RAN: variants seen among roughly 807,000 people sequenced by gnomAD.
The protein encoded by RAN is GTP-binding nuclear protein Ran.
RAN carries 2 observed loss-of-function variants against 26.8 expected under a neutral mutation model. The ratio of observed to expected loss-of-function variants is 0.07; its 90% CI spans 0.03 to 0.23. The LOEUF is 0.23. RAN is among the 10% of genes least tolerant of loss of function. The pLI is 1.00. For missense variants in RAN, 56 were observed against 264.8 expected (o/e 0.21, Z 5.47); for synonymous variants, 132 against 95.9 (o/e 1.38, Z -2.20).
chr12:130,875,563 C>G (rs773020734), intron 5 of RAN, 49 bp from the exon 6 acceptor site: 15 of 1,455,802 alleles, frequency 1.0e-5, no homozygotes, highest in Non-Finnish European at 1.2e-5. Context: ...GAAAAATCGT[C>G]ATCTTAATAA....
At chr12:130,875,590 A>G (rs765410320) in intron 5 of RAN, 22 bp from the exon 6 acceptor site, 1 of 1,532,730 alleles carries the variant, frequency 6.5e-7, no homozygotes, top group African/African-American at 1.4e-5. Flanking sequence ...TTAAAAAGTA[A>G]TTTTACCTTT....
At chr12:130,873,557 T>C (rs1953181302) in intron 4 of RAN, 1 of 171,946 alleles carries the variant, frequency 5.8e-6, no homozygotes, top group Non-Finnish European at 1.3e-5. Flanking sequence ...ACTAGCTGAT[T>C]TCTTGTTAAA....
Position 130,876,292 on chromosome 12 carries a change from T to C in RAN, c.*366T>C. 5.0e-6 allele frequency: 1 copy of C among 199,922 alleles called. No homozygotes were observed. The highest frequency in any genetic ancestry group is 1.0e-5 in the Non-Finnish European group (1 of 98,734). The allele number at this position is 199,922 out of a possible 1,614,324, so 12.4% of individuals were successfully genotyped here. A position where few individuals can be genotyped will look rare whatever the true frequency, so the allele number is the denominator to read the frequency against. On this transcript the variant is annotated 3_prime_UTR_variant, in exon 7 of 7. Coordinates refer to ENST00000543796, the MANE Select transcript of RAN (RefSeq NM_006325.5). ...ATTTCAAATATCTAAGCAAGTGAAC[T>C]CATCCCTTGTTTATAAATAGCATTT... is the stretch of plus-strand genomic sequence containing the variant.
At chr12:130,874,440 C>G (rs1425480028) in intron 4 of RAN, 106 bp from the exon 5 acceptor site, 2 of 823,564 alleles carry the variant, frequency 2.4e-6, no homozygotes, top group Non-Finnish European at 3.7e-6. Flanking sequence ...ACAGGTGACT[C>G]GTTGAGGTCT....
chr12:130,874,313 A>C (rs1298058231), intron 4 of RAN: 2 of 449,516 alleles, frequency 4.4e-6, no homozygotes, highest in African/African-American at 4.1e-5. Flanking sequence ...GGATGAGGGG[A>C]GTATTAATGG....
intron 5 of RAN, among the ~76,000 whole-genome samples, chr12:130,875,308 A>G (rs553727259): frequency 6.6e-6 from 1 of 152,044 alleles, no homozygotes; most frequent in African/African-American, 2.4e-5. Flanking sequence ...TGTAGCCCTG[A>G]ACTCCTGGGC....
Position 130,872,932 on chromosome 12 carries a change from A to G in RAN, c.121+12A>G. 1 of 1,614,252 alleles carries G rather than the reference A, an allele frequency of 6.2e-7. No homozygotes were observed. Among genetic ancestry groups the G allele is most frequent in the Admixed American group, 1.7e-5 (1 of 60,020 alleles). On this transcript the variant is annotated intron_variant, in intron 3 of 6. Transcript: ENST00000543796. ...GAAGAAGTATGTAGGTATGTGCTGG[A>G]AAACCTTGCTTGTGGAAATATGTGA...
At chr12:130,874,416 G>A (rs1953199969) in intron 4 of RAN, 130 bp from the exon 5 acceptor site, 2 of 650,746 alleles carry the variant, frequency 3.1e-6, no homozygotes, top group East Asian at 2.8e-5. Context: ...GACCTTGAAA[G>A]TGAGGGGAGA....
At chr12:130,873,424 A>G (rs1352147476) in intron 4 of RAN, 1 of 325,624 alleles carries the variant, frequency 3.1e-6, no homozygotes, top group Non-Finnish European at 5.8e-6. Flanking sequence ...CAGTATTTGG[A>G]AACTTAGGTT....
intron 4 of RAN, chr12:130,873,391 T>C (rs559930973): frequency 2.4e-4 from 92 of 390,904 alleles, no homozygotes; most frequent in African/African-American, 1.6e-3. Flanking sequence ...TTTAAAACAA[T>C]AATAGGCTGT....
At chr12:130,872,442 C>G (rs1007613107) in intron 1 of RAN, 142 bp from the exon 2 acceptor site, 2 of 351,730 alleles carry the variant, frequency 5.7e-6, no homozygotes, top group Non-Finnish European at 8.4e-6. Context: ...CGCCGCCTTC[C>G]CGCTCCCAGG....
intron 5 of RAN, 124 bp downstream of exon 5, chr12:130,874,857 C>T: frequency 1.2e-6 from 1 of 842,444 alleles, no homozygotes; most frequent in Non-Finnish European, 1.8e-6. Flanking sequence ...GAGTCTTCCT[C>T]TGTCCCCCAT....
chr12:130,873,223 G>A, intron 4 of RAN, 95 bp downstream of exon 4: 1 of 1,509,434 alleles, frequency 6.6e-7, no homozygotes, highest in Non-Finnish European at 9.0e-7. Context: ...AACAAATAGT[G>A]TCATTTTTGG....
chr12:130,874,262 C>A, intron 4 of RAN: 1 of 336,312 alleles, frequency 3.0e-6, no homozygotes, highest in Non-Finnish European at 5.5e-6. Flanking sequence ...CTTGGTTATC[C>A]AGAATCTCAT....
Position 130,877,506 on chromosome 12 carries a change from G to C in RAN, c.*1580G>C, listed in dbSNP as rs1377372151. 6.6e-6 allele frequency: 1 copy of C among 152,214 alleles called. No homozygotes were observed. The highest frequency in any genetic ancestry group is 6.5e-5 in the Admixed American group (1 of 15,284). 9.4% of individuals were successfully genotyped at this position (152,214 alleles called of 1,614,324 possible). ...ATTTTGAATTGAAGGTGTATGTGTT[G>C]TTTGTAACCTTGTGGAGATTGCAAG... On this transcript the variant is annotated 3_prime_UTR_variant, in exon 7 of 7. Coordinates refer to ENST00000543796, the MANE Select transcript of RAN (RefSeq NM_006325.5).
At position 130,875,719 on chromosome 12, in the gene RAN, T is replaced by G; in HGVS notation, c.543T>G (p.Ala181=). 1.2e-6 allele frequency: 2 copies of G among 1,614,154 alleles called. No individual in the cohort carries two copies. The highest frequency in any genetic ancestry group is 2.2e-5 in the South Asian group (2 of 91,074). Residue 181 remains alanine, a synonymous_variant, in exon 6 of 7, where the codon GCT becomes GCG. Transcript: ENST00000543796. ...DPNLEFVAMP[A]LAPPEVVMDP... ...ACTTGGAATTTGTTGCCATGCCTGCTCTCGCCCCACCAGAAGTTGTCATGG... is the reference window on the plus strand; with the variant it reads ...ACTTGGAATTTGTTGCCATGCCTGCGCTCGCCCCACCAGAAGTTGTCATGG...
chr12:130,872,315 C>G (rs1953149319), intron 1 of RAN, 189 bp downstream of exon 1: 1 of 154,456 alleles, frequency 6.5e-6, no homozygotes, highest in Non-Finnish European at 1.4e-5. Flanking sequence ...CGCTAGCCCC[C>G]GCGAACCCCC....
chr12:130,876,379 C>A lies in RAN; in HGVS notation c.*453C>A, dbSNP rs1953241330. ...AATATTTGAATTGCCTTGCTTTTAT[C>A]ACTTAATTTGAAATCTATTGGGTTA... On this transcript the variant is annotated 3_prime_UTR_variant, in exon 7 of 7. Coordinates refer to ENST00000543796, the MANE Select transcript of RAN (RefSeq NM_006325.5). 1 of 167,752 alleles carries A rather than the reference C, an allele frequency of 6.0e-6. No homozygotes were observed. The highest frequency in any genetic ancestry group is 2.4e-5 in the African/African-American group (1 of 41,610). The allele number at this position is 167,752 out of a possible 1,614,324, so 10.4% of individuals were successfully genotyped here. A position where few individuals can be genotyped will look rare whatever the true frequency, so the allele number is the denominator to read the frequency against.
chr12:130,873,435 C>T (rs759958957), intron 4 of RAN: 19 of 314,698 alleles, frequency 6.0e-5, no homozygotes, highest in Admixed American at 3.3e-4. Context: ...AACTTAGGTT[C>T]ATGTATGTAT....
Sources: gnomAD v4.1 joint callset for allele counts (sites outside exome capture counted in the v4.1 genomes callset) on GRCh38, gnomAD v4.1.1 for gene constraint, MANE v1.5 for transcripts, NCBI Gene and HGNC (gene_info 2026-07-23, HGNC 2026-07-21) for gene names.